Variants in PAM observed in about 807,000 individuals in gnomAD.
The protein encoded by PAM is peptidyl-glycine alpha-amidating monooxygenase.
In PAM, 72 loss-of-function variants were observed where a neutral mutation model predicts 122.1. The observed-to-expected ratio is 0.59, with a 90% CI of 0.49 to 0.72. The LOEUF is 0.72. PAM is among the 30% of genes least tolerant of loss of function. The pLI, the probability that PAM is intolerant of heterozygous loss-of-function variation, is 0.00. For synonymous variants in PAM, 389 were observed against 404.4 expected (o/e 0.96, Z 0.46); for missense variants, 1,106 against 1,183.7 (o/e 0.93, Z 0.96).
At chr5:102,780,886 G>T in intron 1 of PAM, among the ~76,000 whole-genome samples, 1 of 139,820 alleles carries the variant, frequency 7.2e-6, no homozygotes, top group African/African-American at 2.7e-5. Flanking sequence ...TTCATATTTT[G>T]GGTCAGGTAA....
chr5:102,902,239 G>A (rs1483799954), intron 4 of PAM, among the ~76,000 whole-genome samples: 4 of 151,594 alleles, frequency 2.6e-5, no homozygotes, highest in Non-Finnish European at 4.4e-5. Context: ...TATGTGAATT[G>A]TGAAATGTGT....
chr5:102,963,828 C>T (rs952596230), intron 14 of PAM, among the ~76,000 whole-genome samples: 29 of 150,742 alleles, frequency 1.9e-4, no homozygotes, highest in Admixed American at 3.3e-4. Flanking sequence ...TATGCACATA[C>T]ACACATACAT....
chr5:103,022,899 G>A (rs992950324), intron 23 of PAM, among the ~76,000 whole-genome samples: 2 of 152,126 alleles, frequency 1.3e-5, no homozygotes, highest in Non-Finnish European at 2.9e-5. Context: ...ACATACAAAT[G>A]CTCTTGTGAA....
chr5:102,979,110 A>AT (rs967040767), intron 15 of PAM, among the ~76,000 whole-genome samples: 2 of 151,632 alleles, frequency 1.3e-5, no homozygotes, highest in African/African-American at 4.8e-5. Flanking sequence ...TAGGAAGATG[A>AT]TTTTTTCTAG....
rs779092707 is a variant in PAM at position 103,025,085 on chromosome 5, A to G, written c.2486-46A>G. The G allele has an allele frequency of 2.1e-6, 3 of 1,417,192 alleles. No individual in the cohort carries two copies. The African/African-American group carries it at 4.2e-5, about 20-fold the overall frequency. The allele number at this position is 1,417,192 out of a possible 1,614,324, so 87.8% of individuals were successfully genotyped here. Reference sequence around the variant, plus strand: ...GGTAGGGGTGGGTAAGGGGGTTTTGAAATCTTTGAGTCAGTTGAATATTGT... The same window carrying G: ...GGTAGGGGTGGGTAAGGGGGTTTTGGAATCTTTGAGTCAGTTGAATATTGT... On this transcript the variant is annotated intron_variant, in intron 23 of 25. Transcript: ENST00000438793.
intron 1 of PAM, among the ~76,000 whole-genome samples, chr5:102,820,450 G>T (rs746224452): frequency 6.6e-6 from 1 of 152,146 alleles, no homozygotes; most frequent in Non-Finnish European, 1.5e-5. Flanking sequence ...GAAATGGAAA[G>T]AAATTTATGC....
chr5:102,876,311 ACTGACCTAC>A (rs1237837963), intron 3 of PAM, among the ~76,000 whole-genome samples: 1 of 151,940 alleles, frequency 6.6e-6, no homozygotes, highest in Non-Finnish European at 1.5e-5. Context: ...ATCCCTCCTA[ACTGACCTAC>A]CTTGTACCCG....
chr5:102,885,679 A>G (rs1581326061), intron 3 of PAM, among the ~76,000 whole-genome samples: 2 of 152,106 alleles, frequency 1.3e-5, no homozygotes, highest in East Asian at 1.9e-4. Context: ...CCTGCCCTAA[A>G]TAGTTTATAG....
chr5:102,792,353 G>T (rs1000490725), intron 1 of PAM, among the ~76,000 whole-genome samples: 1 of 152,198 alleles, frequency 6.6e-6, no homozygotes. Context: ...GATAAACGAC[G>T]TGGGGAAAGA....
Position 102,941,833 on chromosome 5 carries a change from CAAAAAAAAAAAAA to C in PAM, c.527-4990_527-4978del, listed in dbSNP as rs70990420. Among the ~76,000 whole-genome samples, 10 of 58,382 alleles carry C rather than the reference CAAAAAAAAAAAAA, an allele frequency of 1.7e-4. No homozygotes were observed. The East Asian group carries it at 2.6e-3, about 15-fold the overall frequency. 38.3% of individuals were successfully genotyped at this position (58,382 alleles called of 152,430 possible). On this transcript the variant is annotated intron_variant, in intron 7 of 25. Transcript: ENST00000438793. ...ACCTGCATTTCTAATCCAGATGGTA[CAAAAAAAAAAAAA>C]AAAAAAAAAAAAAGAGCTGTGTCTT...
At position 102,896,366 on chromosome 5, in the gene PAM, A is replaced by T. The variant is rs111943518; in HGVS notation, c.211-4990A>T. On this transcript the variant is annotated intron_variant, in intron 3 of 25. Coordinates refer to ENST00000438793, the MANE Select transcript of PAM (RefSeq NM_001177306.2). ...ATGAATCAACTGAAGGATAAAATTC[A>T]TATGAAAAAGTGATCTGTATAAAAC... is the stretch of plus-strand genomic sequence containing the variant. Among the ~76,000 whole-genome samples, 382 of 151,848 alleles carry T rather than the reference A, an allele frequency of 2.5e-3. 3 individuals carry two copies. The highest frequency in any genetic ancestry group is 8.6e-3 in the African/African-American group (355 of 41,496).
intron 3 of PAM, chr5:102,895,902 T>G (rs948421662): frequency 1.3e-5 from 2 of 151,748 alleles, no homozygotes; most frequent in Non-Finnish European, 3.0e-5. Flanking sequence ...GAAGATTGAC[T>G]GATTCCGTAT....
chr5:102,938,525 A>G (rs1754033624), intron 7 of PAM, among the ~76,000 whole-genome samples: 1 of 152,148 alleles, frequency 6.6e-6, no homozygotes, highest in African/African-American at 2.4e-5. Flanking sequence ...CCTACATGCA[A>G]TTTAGTTTTT....
At chr5:102,995,913 G>C (rs1021472873) in intron 16 of PAM, among the ~76,000 whole-genome samples, 1 of 151,216 alleles carries the variant, frequency 6.6e-6, no homozygotes, top group South Asian at 2.1e-4. Flanking sequence ...TTCTAACATT[G>C]AGGTTACATT....
chr5:102,784,216 G>C (rs1355597667), intron 1 of PAM, among the ~76,000 whole-genome samples: 1 of 152,076 alleles, frequency 6.6e-6, no homozygotes, highest in Non-Finnish European at 1.5e-5. Flanking sequence ...CTTTCTCTCT[G>C]TTCTTACCTG....
At chr5:102,762,620 G>GA (rs1752671656) in intron 1 of PAM, among the ~76,000 whole-genome samples, 1 of 152,116 alleles carries the variant, frequency 6.6e-6, no homozygotes, top group East Asian at 1.9e-4. Flanking sequence ...TTTCCCTGGG[G>GA]AGAATTTAGA....
At chr5:102,968,939 G>A (rs1438592114) in intron 14 of PAM, among the ~76,000 whole-genome samples, 1 of 152,168 alleles carries the variant, frequency 6.6e-6, no homozygotes, top group African/African-American at 2.4e-5. Flanking sequence ...GTCCTTTGCA[G>A]GGATATGGAT....
At chr5:102,999,978 C>A (rs772807487) in intron 16 of PAM, among the ~76,000 whole-genome samples, 1 of 152,226 alleles carries the variant, frequency 6.6e-6, no homozygotes, top group African/African-American at 2.4e-5. Flanking sequence ...ATGCAAATTT[C>A]TGCAGCTGGC....
intron 21 of PAM, among the ~76,000 whole-genome samples, chr5:103,011,367 CAA>C (rs1360808262): frequency 6.9e-6 from 1 of 144,896 alleles, no homozygotes; most frequent in African/African-American, 2.6e-5. Flanking sequence ...CACACACACA[CAA>C]ACACACACTC....
Sources: gnomAD v4.1 joint callset for allele counts (sites outside exome capture counted in the v4.1 genomes callset) on GRCh38, gnomAD v4.1.1 for gene constraint, MANE v1.5 for transcripts, NCBI Gene and HGNC (gene_info 2026-07-23, HGNC 2026-07-21) for gene names.